The following TAFA2 variants were observed in gnomAD, a reference collection of about 807,000 sequenced individuals.
TAFA2 encodes chemokine-like protein TAFA-2.
A neutral mutation model predicts 18.8 loss-of-function variants in TAFA2; 7 were observed. The ratio of observed to expected loss-of-function variants is 0.37; its 90% CI spans 0.21 to 0.70. The LOEUF (loss-of-function observed/expected upper bound fraction) is 0.70, where lower values mean the gene tolerates loss of function less well. Among genes scored for constraint, TAFA2 ranks in the 30% least tolerant of loss-of-function variants. The pLI is 0.53. For synonymous variants in TAFA2, 60 were observed against 54.2 expected (o/e 1.11, Z -0.47); for missense variants, 122 against 158.1 (o/e 0.77, Z 1.23).
chr12:61,892,036 T>C (rs531418398), intron 1 of TAFA2, among the ~76,000 whole-genome samples: 22 of 151,378 alleles, frequency 1.5e-4, no homozygotes, highest in African/African-American at 5.3e-4. Context: ...ACATCTAGGA[T>C]GCTCGGGCCA....
intron 1 of TAFA2, among the ~76,000 whole-genome samples, chr12:62,163,026 G>A (rs2062416011): frequency 6.6e-6 from 1 of 152,062 alleles, no homozygotes; most frequent in South Asian, 2.1e-4. Flanking sequence ...AAGGATTTTT[G>A]TAAATGCTGA....
At chr12:62,043,818 A>G (rs2136763850) in intron 1 of TAFA2, among the ~76,000 whole-genome samples, 1 of 152,220 alleles carries the variant, frequency 6.6e-6, no homozygotes, top group African/African-American at 2.4e-5. Context: ...ATTGATTGAA[A>G]CCACATGCTG....
intron 1 of TAFA2, among the ~76,000 whole-genome samples, chr12:61,902,604 G>T (rs185180185): frequency 1.4e-4 from 22 of 152,198 alleles, no homozygotes; most frequent in East Asian, 9.6e-4. Flanking sequence ...GACCTCTGAT[G>T]GTTATTGCAG....
chr12:62,234,927 G>A lies in TAFA2; in HGVS notation c.-130+23836C>T, dbSNP rs999863101. Reference sequence around the variant, plus strand: ...GTGGGGGCAACATCTGAGCCACGGAGGGGGCATAGCCTGGGCCTCAGTGGA... The same window carrying A: ...GTGGGGGCAACATCTGAGCCACGGAAGGGGCATAGCCTGGGCCTCAGTGGA... On this transcript the variant is annotated intron_variant, in intron 1 of 5. Coordinates refer to the TAFA2 transcript ENST00000551619. The A allele has an allele frequency of 3.6e-6, 3 of 823,594 alleles. No homozygotes were observed. In the African/African-American group the frequency reaches 5.0e-5, roughly 14 times the overall value. The allele number at this position is 823,594 out of a possible 1,614,324, so 51.0% of individuals were successfully genotyped here.
intron 1 of TAFA2, among the ~76,000 whole-genome samples, chr12:61,875,400 G>T (rs1874799861): frequency 6.6e-6 from 1 of 151,794 alleles, no homozygotes; most frequent in Non-Finnish European, 1.5e-5. Context: ...ATCTCCTCCA[G>T]GGTCCAAATC....
At chr12:62,033,785 T>C (rs1881526419) in intron 1 of TAFA2, among the ~76,000 whole-genome samples, 3 of 152,174 alleles carry the variant, frequency 2.0e-5, no homozygotes, top group Admixed American at 1.3e-4. Flanking sequence ...GTTTAAATTA[T>C]AGCTATGTTC....
At chr12:61,934,493 T>C (rs1877686018) in intron 1 of TAFA2, among the ~76,000 whole-genome samples, 1 of 152,254 alleles carries the variant, frequency 6.6e-6, no homozygotes, top group African/African-American at 2.4e-5. Flanking sequence ...AAACATCAAC[T>C]GAAATCAAGA....
At chr12:61,949,266 C>A (rs929518727) in intron 1 of TAFA2, among the ~76,000 whole-genome samples, 5 of 152,124 alleles carry the variant, frequency 3.3e-5, no homozygotes, top group Admixed American at 6.6e-5. Context: ...TCTTTTCCTG[C>A]TTTCAGACTC....
chr12:61,712,548 A>G lies in TAFA2; in HGVS notation c.385-2131T>C, dbSNP rs1869462494. 2.6e-5 allele frequency among the ~76,000 whole-genome samples: 4 copies of G among 152,148 alleles called. No homozygotes were observed. The South Asian group carries it at 8.3e-4, about 32-fold the overall frequency. On this transcript the variant is annotated intron_variant, in intron 4 of 4. Transcript: ENST00000416284. ...AAGGATATAACCCATATCCTCAAAA[A>G]CATCATAAACATCCATTTTCATGAT...
chr12:61,980,797 G>A (rs543757965), intron 1 of TAFA2, among the ~76,000 whole-genome samples: 32 of 152,226 alleles, frequency 2.1e-4, no homozygotes, highest in East Asian at 5.8e-4. Flanking sequence ...ACTGCTCAAC[G>A]AAACAAAACA....
At chr12:61,978,513 C>T (rs982395138) in intron 1 of TAFA2, among the ~76,000 whole-genome samples, 3 of 151,928 alleles carry the variant, frequency 2.0e-5, no homozygotes, top group Non-Finnish European at 4.4e-5. Flanking sequence ...ACACCTACAT[C>T]AGACAGAAGT....
At chr12:61,956,662 A>AT (rs1463151952) in intron 1 of TAFA2, among the ~76,000 whole-genome samples, 1 of 149,916 alleles carries the variant, frequency 6.7e-6, no homozygotes, top group Admixed American at 6.7e-5. Context: ...TGTGACAATC[A>AT]TTTTCTCCTG....
At position 61,746,939 on chromosome 12, in the gene TAFA2, A is replaced by C. The variant is rs751166713; in HGVS notation, c.384+6683T>G. Reference sequence around the variant, plus strand: ...ATCAGAGTGAACAGGCAACCTACAAAATGGGAGAAAATTTTCACCACCTAC... The same window carrying C: ...ATCAGAGTGAACAGGCAACCTACAACATGGGAGAAAATTTTCACCACCTAC... On this transcript the variant is annotated intron_variant, in intron 4 of 4. Transcript: ENST00000416284. Among the ~76,000 whole-genome samples the C allele has an allele frequency of 7.7e-4, 117 of 152,278 alleles. 1 individual carries two copies. Among genetic ancestry groups the C allele is most frequent in the Non-Finnish European group, 1.4e-3 (98 of 68,018 alleles).
chr12:61,919,484 A>C (rs1876961500), intron 1 of TAFA2, among the ~76,000 whole-genome samples: 1 of 152,118 alleles, frequency 6.6e-6, no homozygotes, highest in South Asian at 2.1e-4. Flanking sequence ...AAATTAGTCA[A>C]TTTAGGTAAA....
At chr12:61,737,230 T>A (rs1233715861) in intron 4 of TAFA2, among the ~76,000 whole-genome samples, 1 of 151,944 alleles carries the variant, frequency 6.6e-6, no homozygotes, top group Non-Finnish European at 1.5e-5. Flanking sequence ...CCAACGAGAT[T>A]TTTTAAGTTT....
At chr12:61,957,412 G>T (rs1291252057) in intron 1 of TAFA2, among the ~76,000 whole-genome samples, 1 of 152,116 alleles carries the variant, frequency 6.6e-6, no homozygotes, top group African/African-American at 2.4e-5. Context: ...TCAGAGTGAG[G>T]GGTCAGTGGA....
chr12:62,003,754 T>C (rs905750351), intron 1 of TAFA2, among the ~76,000 whole-genome samples: 1 of 152,208 alleles, frequency 6.6e-6, no homozygotes, highest in African/African-American at 2.4e-5. Flanking sequence ...TCTTATATAT[T>C]CCAAGTACCA....
At chr12:62,140,149 A>C (rs2062227892) in intron 1 of TAFA2, 1 of 152,158 alleles carries the variant, frequency 6.6e-6, no homozygotes, top group South Asian at 2.1e-4. Flanking sequence ...ATTTTACTGT[A>C]AATATTTTAA....
chr12:62,134,403 C>G lies in TAFA2; in HGVS notation c.-2+56856G>C, dbSNP rs540408578. ...TCTCTTCCTCTCTCTTTCCCTCTCT[C>G]TCTCCACCCCATGTGAGGACACAGC... On this transcript the variant is annotated intron_variant, in intron 1 of 4. Coordinates refer to ENST00000416284, the MANE Select transcript of TAFA2 (RefSeq NM_178539.5). Among the ~76,000 whole-genome samples the G allele has an allele frequency of 1.4e-4, 21 of 152,062 alleles. No homozygotes were observed. The South Asian group carries it at 4.4e-3, about 32-fold the overall frequency.
Sources: allele counts gnomAD v4.1 joint callset (sites outside exome capture counted in the v4.1 genomes callset), GRCh38; gene constraint gnomAD v4.1.1; transcripts MANE v1.5; gene names NCBI Gene and HGNC (gene_info 2026-07-23, HGNC 2026-07-21).